The following COL11A1 variants were observed in gnomAD, a reference collection of about 807,000 sequenced individuals.
COL11A1 encodes collagen alpha-1(XI) chain.
A neutral mutation model predicts 265.2 loss-of-function variants in COL11A1; 74 were observed. That is an observed-to-expected ratio of 0.28 (90% CI 0.23 to 0.34). The LOEUF is 0.34. Ranked by LOEUF, COL11A1 falls within the 10% of genes least tolerant of loss-of-function variation. COL11A1 has a pLI of 1.00. For missense variants in COL11A1, 2,165 were observed against 2,263.6 expected, an observed-to-expected ratio of 0.96 and a Z score of 0.88; for synonymous variants, 816 against 727.6, an observed-to-expected ratio of 1.12 and a Z score of -1.96.
At chr1:102,894,654 C>A (rs1323913629) in intron 57 of COL11A1, among the ~76,000 whole-genome samples, 1 of 151,946 alleles carries the variant, frequency 6.6e-6, no homozygotes, top group Non-Finnish European at 1.5e-5. Context: ...CTTTAAGAAA[C>A]CCTAATAAAA....
intron 41 of COL11A1, among the ~76,000 whole-genome samples, chr1:102,949,437 T>G (rs1659652454): frequency 6.7e-6 from 1 of 150,204 alleles, no homozygotes; most frequent in African/African-American, 2.5e-5. Flanking sequence ...TTAATCCTGT[T>G]TAAACCCTAA....
At chr1:103,076,863 AATAG>A (rs1672011271) in intron 3 of COL11A1, among the ~76,000 whole-genome samples, 1 of 152,126 alleles carries the variant, frequency 6.6e-6, no homozygotes, top group Non-Finnish European at 1.5e-5. Flanking sequence ...AGCGGTGGCT[AATAG>A]ATAAATACTT....
intron 47 of COL11A1, 21 bp from the exon 48 acceptor site, chr1:102,921,592 G>A (rs1655997281): frequency 6.3e-7 from 1 of 1,596,486 alleles, no homozygotes; most frequent in Non-Finnish European, 8.6e-7. Context: ...GAAATATTGA[G>A]GTTTACAAAG....
At chr1:102,985,858 G>GT (rs1325500484) in intron 30 of COL11A1, among the ~76,000 whole-genome samples, 1 of 152,054 alleles carries the variant, frequency 6.6e-6, no homozygotes, top group Non-Finnish European at 1.5e-5. Flanking sequence ...ATAAGGCCTT[G>GT]TTTTCCCCTG....
intron 4 of COL11A1, among the ~76,000 whole-genome samples, chr1:103,059,888 C>A (rs1670531283): frequency 6.6e-6 from 1 of 151,696 alleles, no homozygotes; most frequent in African/African-American, 2.4e-5. Context: ...GGGACAACAA[C>A]AAAATATGTA....
chr1:102,995,758 T>G, intron 28 of COL11A1, 106 bp downstream of exon 28: 1 of 900,802 alleles, frequency 1.1e-6, no homozygotes, highest in Non-Finnish European at 1.8e-6. Context: ...CATTGCGTAG[T>G]ATGTAGTAAT....
At position 103,006,301 on chromosome 1, in the gene COL11A1, G is replaced by T; in HGVS notation, c.1698C>A (p.Val566=). Residue 566 remains valine (V), a synonymous_variant, in exon 16 of 67, where the codon GTC becomes GTA. Coordinates refer to ENST00000370096, the MANE Select transcript of COL11A1 (RefSeq NM_001854.4). ...GDPGPQGPRG[V]QGPPGPTGKP... is the part of the protein sequence containing the mutation. ...TTCCCGTTGGACCAGGGGGACCCTG[G>T]ACGCCTCGAGGGCCCTATATCAAGA... 6.2e-7 allele frequency: 1 copy of T among 1,609,414 alleles called. No individual in the cohort carries two copies.
intron 38 of COL11A1, among the ~76,000 whole-genome samples, chr1:102,964,542 A>C (rs1009471276): frequency 1.3e-5 from 2 of 151,942 alleles, no homozygotes; most frequent in African/African-American, 4.8e-5. Context: ...TGCTTCTGTT[A>C]TACATATTCC....
chr1:103,049,545 CTT>C (rs1669610596), intron 4 of COL11A1, among the ~76,000 whole-genome samples: 1 of 152,138 alleles, frequency 6.6e-6, no homozygotes, highest in African/African-American at 2.4e-5. Flanking sequence ...GGTCTTGACT[CTT>C]TATCCAATTT....
intron 54 of COL11A1, among the ~76,000 whole-genome samples, chr1:102,911,211 A>C (rs1654633259): frequency 6.6e-6 from 1 of 152,168 alleles, no homozygotes; most frequent in Non-Finnish European, 1.5e-5. Flanking sequence ...AATTGTTTTC[A>C]GAGACAAGTT....
chr1:102,964,481 G>C (rs1029694420), intron 38 of COL11A1, among the ~76,000 whole-genome samples: 3 of 152,044 alleles, frequency 2.0e-5, no homozygotes, highest in Non-Finnish European at 2.9e-5. Flanking sequence ...CCTTGCCTCA[G>C]GGTTAACCTC....
chr1:102,897,787 A>G lies in COL11A1; in HGVS notation c.4302+338T>C, dbSNP rs2615995. Among the ~76,000 whole-genome samples the G allele has an allele frequency of 4.2e-3, 634 of 152,296 alleles. 5 individuals carry two copies. Among genetic ancestry groups the G allele is most frequent in the African/African-American group, 0.015 (609 of 41,586 alleles). On this transcript the variant is annotated intron_variant, in intron 57 of 66. Transcript: ENST00000370096. ...ATGCTGGTGCCAGCATACTTTTTAA[A>G]GTGAAATGCCAGGAAAATAAGTGTA...
chr1:102,891,638 C>G lies in COL11A1; in HGVS notation c.4303-1134G>C, dbSNP rs1373717045. On this transcript the variant is annotated intron_variant, in intron 57 of 66. Transcript: ENST00000370096. ...ACCTGTAATCCTAGCAATTTGAGAG[C>G]CTGAGGTGGGAGGACCGCTTGAACC... 2.6e-5 allele frequency among the ~76,000 whole-genome samples: 4 copies of G among 150,992 alleles called. No homozygotes were observed. The Admixed American group carries it at 2.7e-4, about 10-fold the overall frequency.
chr1:102,914,128 A>G (rs1463868700), intron 52 of COL11A1, among the ~76,000 whole-genome samples: 1 of 152,228 alleles, frequency 6.6e-6, no homozygotes, highest in African/African-American at 2.4e-5. Context: ...AATCTAATCC[A>G]ATTGTTGTAC....
chr1:102,930,098 A>G (rs892440457), intron 46 of COL11A1, among the ~76,000 whole-genome samples: 61 of 152,234 alleles, frequency 4.0e-4, no homozygotes, highest in African/African-American at 1.4e-3. Context: ...TCTCCTGCCT[A>G]ACTGCCCTGG....
At chr1:102,949,727 G>A (rs1173627421) in intron 41 of COL11A1, among the ~76,000 whole-genome samples, 3 of 152,038 alleles carry the variant, frequency 2.0e-5, no homozygotes, top group African/African-American at 4.8e-5. Flanking sequence ...TTTCTACAAC[G>A]CTTAGCAGTT....
At chr1:103,065,621 G>C (rs1318974659) in intron 4 of COL11A1, among the ~76,000 whole-genome samples, 9 of 149,082 alleles carry the variant, frequency 6.0e-5, no homozygotes, top group African/African-American at 2.2e-4. Flanking sequence ...CCCTGAGATA[G>C]GGTGGACATT....
In COL11A1 at chr1:102,878,099, C is replaced by T; in HGVS notation, c.5341G>A (p.Val1781Ile). The change falls in exon 67 of 67, where the codon GTT becomes ATT. Residue 1781 changes from valine (V) to isoleucine (I), a missense_variant. Val to Ile is a conservative substitution (Grantham distance 29). Transcript: ENST00000370096. The part of the protein sequence containing the change: ...NTPKIDQVPI[V>I]DVMINDFGDQ... ...CCAAAGTCATTGATCATGACATCAA[C>T]AATAGGTACTTGATCAATTTTTGGT... 1.2e-6 allele frequency: 2 copies of T among 1,613,342 alleles called. No individual in the cohort carries two copies. Among genetic ancestry groups the T allele is most frequent in the South Asian group, 2.2e-5 (2 of 91,066 alleles).
At chr1:103,007,938 C>G (rs12047268) in intron 15 of COL11A1, among the ~76,000 whole-genome samples, 89,987 of 150,632 alleles carry the variant, frequency 0.6, 29,801 homozygotes, top group East Asian at 0.91. Flanking sequence ...AGACTGTACT[C>G]TGAACTCCAG....
Sources: gnomAD v4.1 joint callset for allele counts (sites outside exome capture counted in the v4.1 genomes callset) on GRCh38, gnomAD v4.1.1 for gene constraint, MANE v1.5 for transcripts, NCBI Gene and HGNC (gene_info 2026-07-23, HGNC 2026-07-21) for gene names.